Variants in SLC4A8 observed in about 807,000 individuals in gnomAD.
SLC4A8 encodes the protein solute carrier family 4 member 8, also known as electroneutral sodium bicarbonate exchanger 1.
Under a neutral mutation model 125.0 loss-of-function variants are expected in SLC4A8, and 40 were observed. That is an observed-to-expected ratio of 0.32 (90% CI 0.25 to 0.42). SLC4A8 has a LOEUF of 0.42. Ranked by LOEUF, SLC4A8 falls within the 10% of genes least tolerant of loss-of-function variation. SLC4A8 has a pLI of 1.00. For missense variants in SLC4A8, 863 were observed against 1,355.1 expected (o/e 0.64, Z 5.70); for synonymous variants, 456 against 476.0 (o/e 0.96, Z 0.55).
chr12:51,417,801 C>G (rs1430500741), intron 1 of SLC4A8, among the ~76,000 whole-genome samples: 2 of 152,312 alleles, frequency 1.3e-5, no homozygotes, highest in South Asian at 4.1e-4. Context: ...CAGGCGTGAG[C>G]CACTGCACCC....
chr12:51,474,900 G>A (rs937474234), intron 15 of SLC4A8, 145 bp from the exon 16 acceptor site: 8 of 718,488 alleles, frequency 1.1e-5, no homozygotes, highest in South Asian at 1.9e-5. Flanking sequence ...ACAGCACCCC[G>A]CAACTGCATA....
intron 12 of SLC4A8, 125 bp from the exon 13 acceptor site, chr12:51,470,267 C>T: frequency 1.2e-6 from 1 of 815,708 alleles, no homozygotes; most frequent in East Asian, 2.4e-5. Flanking sequence ...ATCACTCTTG[C>T]TAAGATGAAA....
intron 1 of SLC4A8, among the ~76,000 whole-genome samples, chr12:51,433,827 G>A (rs977402534): frequency 2.0e-5 from 3 of 150,210 alleles, no homozygotes; most frequent in Non-Finnish European, 4.4e-5. Context: ...CCATGACTTG[G>A]CGTCAACAAT....
intron 1 of SLC4A8, 28 bp downstream of exon 1, chr12:51,425,063 C>T (rs757594740): frequency 6.5e-7 from 1 of 1,544,650 alleles, no homozygotes; most frequent in East Asian, 2.5e-5. Flanking sequence ...GCGCCTCCCG[C>T]TCCTCCCCGG....
chr12:51,407,140 G>A (rs541497343), intron 1 of SLC4A8, among the ~76,000 whole-genome samples: 72 of 152,330 alleles, frequency 4.7e-4, no homozygotes, highest in Non-Finnish European at 9.4e-4. Flanking sequence ...GTCCCGGCAT[G>A]GAGGGAGGCA....
intron 1 of SLC4A8, among the ~76,000 whole-genome samples, chr12:51,400,726 TTATATATATATATATATATA>T (rs869058430): frequency 0.017 from 693 of 41,868 alleles, 41 homozygotes; most frequent in Middle Eastern, 0.039. Flanking sequence ...ATGAACTCCT[TTATATATATATATATATATA>T]TATATATATA....
intron 6 of SLC4A8, 30 bp downstream of exon 6, chr12:51,457,569 T>C (rs780939007): frequency 6.3e-7 from 1 of 1,587,676 alleles, no homozygotes; most frequent in South Asian, 1.1e-5. Context: ...TTTCTCTCTT[T>C]ATTAATAAGA....
intron 2 of SLC4A8, among the ~76,000 whole-genome samples, chr12:51,450,471 T>C (rs1949929301): frequency 6.6e-6 from 1 of 152,230 alleles, no homozygotes; most frequent in Admixed American, 6.5e-5. Context: ...GCCTTACCTG[T>C]GCTCTTAACG....
intron 16 of SLC4A8, among the ~76,000 whole-genome samples, chr12:51,477,247 C>T (rs1195235935): frequency 6.6e-6 from 1 of 152,086 alleles, no homozygotes; most frequent in Non-Finnish European, 1.5e-5. Context: ...TTAAATCATA[C>T]AAAAATTCAT....
At chr12:51,463,415 G>GTGTA (rs1267457507) in intron 10 of SLC4A8, among the ~76,000 whole-genome samples, 199 bp from the exon 11 acceptor site, 5 of 60,352 alleles carry the variant, frequency 8.3e-5, no homozygotes, top group African/African-American at 3.7e-4. Flanking sequence ...TATGGGGTGT[G>GTGTA]TGTGTGTGTG....
At chr12:51,458,674 G>A in intron 7 of SLC4A8, 24 bp downstream of exon 7, 1 of 1,519,876 alleles carries the variant, frequency 6.6e-7, no homozygotes. Flanking sequence ...TGGGAAGTTG[G>A]CTTCAAGGCC....
At chr12:51,436,130 A>G (rs910020482) in intron 1 of SLC4A8, among the ~76,000 whole-genome samples, 3 of 152,188 alleles carry the variant, frequency 2.0e-5, no homozygotes, top group East Asian at 1.9e-4. Flanking sequence ...TTAAAACTGT[A>G]TCTCCTTTCT....
At chr12:51,443,760 C>T (rs1949678127) in intron 2 of SLC4A8, among the ~76,000 whole-genome samples, 1 of 152,166 alleles carries the variant, frequency 6.6e-6, no homozygotes, top group South Asian at 2.1e-4. Flanking sequence ...TTTGAGTTAA[C>T]CTGTAAGCCC....
rs1169211051 is a variant in SLC4A8 at position 51,510,773 on chromosome 12, G to C, written c.*3335G>C. On this transcript the variant is annotated 3_prime_UTR_variant, in exon 25 of 25. Transcript: ENST00000453097. Reference sequence around the variant, plus strand: ...TGGCTAGAGAAAGAGATGGCACCAGGATCTCTTAACGGCAAGTGCTCACGG... The same window carrying C: ...TGGCTAGAGAAAGAGATGGCACCAGCATCTCTTAACGGCAAGTGCTCACGG... 1 of 152,078 alleles carries C rather than the reference G, an allele frequency of 6.6e-6. No homozygotes were observed. Among genetic ancestry groups the C allele is most frequent in the East Asian group, 1.9e-4 (1 of 5,180 alleles). 9.4% of individuals were successfully genotyped at this position (152,078 alleles called of 1,614,324 possible). A position where few individuals can be genotyped will look rare whatever the true frequency, so the allele number is the denominator to read the frequency against.
In SLC4A8 at chr12:51,402,791, A is replaced by G. The variant is rs114957136; in HGVS notation, c.-112+11303A>G. On this transcript the variant is annotated intron_variant, in intron 1 of 24. Coordinates refer to the SLC4A8 transcript ENST00000358657. ...CCTAGGCATTTATTTGTCCCTTTGC[A>G]ATTAATCTAAGCACCATATGGTGAT... Among the ~76,000 whole-genome samples, 1,240 of 152,318 alleles carry G rather than the reference A, an allele frequency of 8.1e-3. 19 individuals are homozygous for G. The highest frequency in any genetic ancestry group is 0.028 in the African/African-American group (1,147 of 41,564).
chr12:51,394,717 C>CA (rs1245385262), intron 1 of SLC4A8, among the ~76,000 whole-genome samples: 1 of 152,140 alleles, frequency 6.6e-6, no homozygotes, highest in Non-Finnish European at 1.5e-5. Context: ...GGGAGAAGAT[C>CA]AAAAACTACC....
At position 51,490,002 on chromosome 12, in the gene SLC4A8, A is replaced by C; in HGVS notation, c.2700+51A>C. On this transcript the variant is annotated intron_variant, in intron 19 of 24. Coordinates refer to ENST00000453097, the MANE Select transcript of SLC4A8 (RefSeq NM_001039960.3). ...AAATATCAAGGGCCTGATTTGTGCC[A>C]GGAATCCTGCCAGGTGCTGGAAATA... The C allele has an allele frequency of 2.5e-6, 4 of 1,572,452 alleles. No homozygotes were observed. The South Asian group carries it at 3.4e-5, about 13-fold the overall frequency.
intron 14 of SLC4A8, among the ~76,000 whole-genome samples, chr12:51,473,222 C>T (rs1008838663): frequency 6.6e-6 from 1 of 152,200 alleles, no homozygotes; most frequent in African/African-American, 2.4e-5. Context: ...CTCCCTACCC[C>T]CAACTCCTAA....
At chr12:51,503,094 A>G (rs1161641019) in intron 22 of SLC4A8, among the ~76,000 whole-genome samples, 52 of 151,538 alleles carry the variant, frequency 3.4e-4, no homozygotes, top group Non-Finnish European at 6.3e-4. Context: ...CGCCCACCTC[A>G]GCCTCCCAAA....
Sources: allele counts gnomAD v4.1 joint callset (sites outside exome capture counted in the v4.1 genomes callset), GRCh38; gene constraint gnomAD v4.1.1; transcripts MANE v1.5; gene names NCBI Gene and HGNC (gene_info 2026-07-23, HGNC 2026-07-21).